CUBN: variants seen among roughly 807,000 people sequenced by gnomAD.
CUBN encodes the protein cubilin, also known as 460 kDa receptor.
In CUBN, 282 loss-of-function variants were observed where a neutral mutation model predicts 405.3. The ratio of observed to expected loss-of-function variants is 0.70; its 90% CI spans 0.63 to 0.77. CUBN has a LOEUF of 0.77. CUBN is among the 30% of genes least tolerant of loss of function. CUBN has a pLI of 0.00. For missense variants in CUBN, 4,514 were observed against 4,475.2 expected (o/e 1.01, Z -0.25); for synonymous variants, 1,684 against 1,617.0 (o/e 1.04, Z -0.99).
chr10:16,875,230 G>A (rs534827707), intron 57 of CUBN, among the ~76,000 whole-genome samples: 22 of 152,058 alleles, frequency 1.4e-4, no homozygotes, highest in African/African-American at 3.4e-4. Context: ...TCAATAAAAC[G>A]ACAGACATAA....
At chr10:17,113,832 C>T (rs1343768528) in intron 8 of CUBN, among the ~76,000 whole-genome samples, 195 bp downstream of exon 8, 1 of 152,196 alleles carries the variant, frequency 6.6e-6, no homozygotes, top group Non-Finnish European at 1.5e-5. Context: ...GACTCTAGCA[C>T]AGTTTTGGAC....
At chr10:17,093,690 A>C (rs545870770) in intron 14 of CUBN, among the ~76,000 whole-genome samples, 1 of 152,204 alleles carries the variant, frequency 6.6e-6, no homozygotes. Context: ...AAAAAAAACC[A>C]AAACCCAATA....
chr10:16,848,689 C>CA (rs1839590151), intron 60 of CUBN, among the ~76,000 whole-genome samples: 1 of 33,864 alleles, frequency 3.0e-5, no homozygotes, highest in Admixed American at 3.3e-4. Context: ...TCTCTCCCAG[C>CA]CTTTTTTTTT....
rs1368469863 is a variant in CUBN, at chr10:17,104,583, C to A, written c.1253G>T (p.Cys418Phe). The change falls in exon 12 of 67, where the codon TGT (cysteine) becomes TTT (phenylalanine). Residue 418 changes from cysteine to phenylalanine, a missense_variant. Around this residue, in one of 5 missense-constraint regions of CUBN, gnomAD observed 1,448 missense variants for 1,388.0 expected, o/e 1.04. Coordinates refer to ENST00000377833, the MANE Select transcript of CUBN (RefSeq NM_001081.4). ...QCIDTVSGYF[C>F]KCDSGWTGVN... ...ACCTGTCCAACCTGAGTCACACTTA[C>A]AAAAATAACCAGAGACAGTGTCCTA... 2 of 1,612,900 alleles carry A rather than the reference C, an allele frequency of 1.2e-6. No individual in the cohort carries two copies. Among genetic ancestry groups the A allele is most frequent in the Non-Finnish European group, 1.7e-6 (2 of 1,179,654 alleles).
In CUBN at chr10:17,071,952, A is replaced by G; in HGVS notation, c.2321T>C (p.Leu774Ser). 8 of 1,612,822 alleles carry G rather than the reference A, an allele frequency of 5.0e-6. No individual in the cohort carries two copies. The highest frequency in any genetic ancestry group is 6.8e-6 in the Non-Finnish European group (8 of 1,179,472). The change falls in exon 18 of 67, where the codon TTA (leucine) becomes TCA (serine). Residue 774 changes from leucine to serine, a missense_variant. By Grantham distance (145) the Leu-to-Ser change is moderately radical (BLOSUM62 -2). This residue lies in a region of CUBN where 1,448 missense variants were observed against 1,388.0 expected (regional missense o/e 1.04). Coordinates refer to ENST00000377833, the MANE Select transcript of CUBN (RefSeq NM_001081.4). ...TCCGTTGCCACAGACTTTTCCAAGT[A>G]AGGTTTCACCATCTCGAACCTAAAG... ...NYIEVRDGET[L>S]LGKVCGNGTI... is the part of the protein sequence containing the mutation.
intron 50 of CUBN, among the ~76,000 whole-genome samples, chr10:16,905,076 TCTC>T (rs1841519196): frequency 6.6e-6 from 1 of 152,304 alleles, no homozygotes; most frequent in South Asian, 2.1e-4. Flanking sequence ...CCCAAGGACT[TCTC>T]CACCAACTAA....
chr10:16,902,531 T>C (rs1330196539), intron 51 of CUBN, among the ~76,000 whole-genome samples: 1 of 151,920 alleles, frequency 6.6e-6, no homozygotes, highest in Non-Finnish European at 1.5e-5. Flanking sequence ...AATAATACTG[T>C]TTACTGAAAC....
chr10:16,951,455 A>G (rs1202609447), intron 33 of CUBN, among the ~76,000 whole-genome samples: 28 of 152,208 alleles, frequency 1.8e-4, no homozygotes, highest in Admixed American at 1.8e-3. Flanking sequence ...ATTACTGTGC[A>G]GAGTGAAGAA....
chr10:17,007,132 A>C (rs1255957716), intron 28 of CUBN, among the ~76,000 whole-genome samples: 3 of 152,170 alleles, frequency 2.0e-5, no homozygotes, highest in Non-Finnish European at 4.4e-5. Flanking sequence ...TTGGGAGGCC[A>C]CTTTTCACAC....
At chr10:16,877,473 G>T (rs1840544642) in intron 56 of CUBN, among the ~76,000 whole-genome samples, 1 of 152,040 alleles carries the variant, frequency 6.6e-6, no homozygotes, top group Non-Finnish European at 1.5e-5. Context: ...AGAGACCAGG[G>T]TTGCTCCTGA....
Position 17,122,873 on chromosome 10 carries a change from T to A in CUBN, c.515A>T (p.Asn172Ile), listed in dbSNP as rs759413137. The A allele has an allele frequency of 1.9e-6, 3 of 1,613,878 alleles. No homozygotes were observed. The highest frequency in any genetic ancestry group is 2.5e-6 in the Non-Finnish European group (3 of 1,179,902). Reference protein sequence around the residue: ...WKGPLCSADVNECEIYSGTPL... With the variant: ...WKGPLCSADVIECEIYSGTPL... ...TGTTCCTGAGTAAATCTCACATTCG[T>A]TAACATCAGCTGAGCAGAGAGGACC... The change falls in exon 6 of 67, where the codon AAC becomes ATC. Residue 172 changes from asparagine (N) to isoleucine (I), a missense_variant. Asn to Ile is a moderately radical substitution (Grantham distance 149, BLOSUM62 -3). Around this residue, in one of 5 missense-constraint regions of CUBN, gnomAD observed 1,448 missense variants for 1,388.0 expected, o/e 1.04. Transcript: ENST00000377833.
intron 60 of CUBN, among the ~76,000 whole-genome samples, chr10:16,846,905 G>C (rs1332603351): frequency 2.6e-5 from 4 of 151,970 alleles, no homozygotes; most frequent in Non-Finnish European, 5.9e-5. Flanking sequence ...ACCTCTCTCT[G>C]CTGGTTCCAT....
intron 10 of CUBN, among the ~76,000 whole-genome samples, chr10:17,106,796 G>A (rs78391440): frequency 0.13 from 19,315 of 152,130 alleles, 1,624 homozygotes; most frequent in Middle Eastern, 0.3. Context: ...ACACAGGCAG[G>A]CCACATGTCC....
At chr10:16,990,260 G>C (rs868826422) in intron 29 of CUBN, 74 bp downstream of exon 29, 1 of 1,393,194 alleles carries the variant, frequency 7.2e-7, no homozygotes, top group South Asian at 1.2e-5. Flanking sequence ...GAAAGAATTC[G>C]GAATCTTGGC....
intron 36 of CUBN, among the ~76,000 whole-genome samples, chr10:16,940,765 T>G: frequency 6.6e-6 from 1 of 152,236 alleles, no homozygotes; most frequent in East Asian, 1.9e-4. Flanking sequence ...TGAGTACCTC[T>G]AAGACATGGT....
At chr10:16,856,810 T>C (rs1370836363) in intron 59 of CUBN, among the ~76,000 whole-genome samples, 1 of 152,200 alleles carries the variant, frequency 6.6e-6, no homozygotes, top group Non-Finnish European at 1.5e-5. Flanking sequence ...GCAAGCCATC[T>C]GTGGCTTTAG....
intron 22 of CUBN, among the ~76,000 whole-genome samples, chr10:17,057,358 T>C (rs1835418699): frequency 1.3e-5 from 2 of 152,098 alleles, no homozygotes; most frequent in South Asian, 2.1e-4. Flanking sequence ...GGTGTTGTCA[T>C]GGCAATGGCA....
At position 17,007,806 on chromosome 10, in the gene CUBN, G is replaced by A. The variant is rs150415603; in HGVS notation, c.4168+12027C>T. On this transcript the variant is annotated intron_variant, in intron 28 of 66. Transcript: ENST00000377833. The stretch of plus-strand genomic sequence containing the variant: ...CATCCCTTGCGGGGCTGTGCAAGGA[G>A]AAGCCTTTCTAATTATTTTCCTTCT... Among the ~76,000 whole-genome samples, 138 of 152,302 alleles carry A rather than the reference G, an allele frequency of 9.1e-4. 1 individual carries two copies. In the East Asian group the frequency reaches 0.026, roughly 28 times the overall value.
At chr10:17,005,946 A>T (rs990115281) in intron 28 of CUBN, among the ~76,000 whole-genome samples, 2 of 152,174 alleles carry the variant, frequency 1.3e-5, no homozygotes, top group Non-Finnish European at 2.9e-5. Flanking sequence ...TAAGGAGCAA[A>T]TTTGGACACA....
Sources: allele counts gnomAD v4.1 joint callset (sites outside exome capture counted in the v4.1 genomes callset), GRCh38; gene constraint gnomAD v4.1.1; regional missense constraint gnomAD v4.1.1; transcripts MANE v1.5; gene names NCBI Gene and HGNC (gene_info 2026-07-23, HGNC 2026-07-21).